Variants in FMN1 observed in about 807,000 individuals in gnomAD.
FMN1 encodes the protein formin-1.
Under a neutral mutation model 132.4 loss-of-function variants are expected in FMN1, and 110 were observed. That is an observed-to-expected ratio of 0.83 (90% CI 0.71 to 0.97). The LOEUF (loss-of-function observed/expected upper bound fraction) is 0.97. FMN1 is among the 50% of genes least tolerant of loss of function. FMN1 has a pLI of 0.00. For synonymous variants in FMN1, 722 were observed against 651.7 expected (o/e 1.11, Z -1.64); for missense variants, 1,792 against 1,705.3 (o/e 1.05, Z -0.90).
intron 3 of FMN1, among the ~76,000 whole-genome samples, chr15:33,163,592 CTGTTTTGTTTTGTTTTGTTT>C (rs71117113): frequency 3.5e-5 from 5 of 144,924 alleles, no homozygotes; most frequent in East Asian, 2.0e-4. Context: ...CCATGCCTGG[CTGTTTTGTTTTGTTTTGTTT>C]TGTTTTGTTT....
chr15:33,051,533 G>A (rs1354249098), intron 6 of FMN1, among the ~76,000 whole-genome samples: 1 of 152,090 alleles, frequency 6.6e-6, no homozygotes, highest in African/African-American at 2.4e-5. Context: ...GCCAGAGAAA[G>A]GCAGTCTCCC....
At chr15:32,883,509 CAAAAAAAA>C (rs60737133) in intron 16 of FMN1, among the ~76,000 whole-genome samples, 1,564 of 25,814 alleles carry the variant, frequency 0.061, 20 homozygotes, top group African/African-American at 0.19. Flanking sequence ...GAACCTATCT[CAAAAAAAA>C]AAAAAAAAAA....
chr15:32,814,230 T>C (rs1211771743), intron 17 of FMN1, among the ~76,000 whole-genome samples: 1 of 152,230 alleles, frequency 6.6e-6, no homozygotes, highest in African/African-American at 2.4e-5. Flanking sequence ...AAGTGACAGA[T>C]GTCTTTTGTA....
At chr15:32,987,495 T>C (rs2140826921) in intron 7 of FMN1, among the ~76,000 whole-genome samples, 1 of 152,298 alleles carries the variant, frequency 6.6e-6, no homozygotes, top group African/African-American at 2.4e-5. Context: ...CAGAAGGCTT[T>C]CTGACTGCCT....
At chr15:33,073,874 T>C (rs1309666040) in intron 5 of FMN1, among the ~76,000 whole-genome samples, 1 of 152,064 alleles carries the variant, frequency 6.6e-6, no homozygotes, top group Non-Finnish European at 1.5e-5. Context: ...GGGATTATAG[T>C]TGCGTGTCAC....
At position 32,991,476 on chromosome 15, in the gene FMN1, T is replaced by C. The variant is rs2033430245; in HGVS notation, c.2223+16538A>G. Reference sequence around the variant, plus strand: ...TGGTGAAGGTAGGAGCCCCAAATTCTGGACCATCGAAAATCACAATCTAGG... The same window carrying C: ...TGGTGAAGGTAGGAGCCCCAAATTCCGGACCATCGAAAATCACAATCTAGG... On this transcript the variant is annotated intron_variant, in intron 7 of 20. Transcript: ENST00000616417. Among the ~76,000 whole-genome samples, 3 of 152,192 alleles carry C rather than the reference T, an allele frequency of 2.0e-5. No individual in the cohort carries two copies. In the South Asian group the frequency reaches 6.2e-4, roughly 31 times the overall value.
intron 17 of FMN1, among the ~76,000 whole-genome samples, chr15:32,805,848 C>T (rs1196154452): frequency 6.6e-6 from 1 of 151,656 alleles, no homozygotes; most frequent in African/African-American, 2.4e-5. Context: ...TAGGGAAGCC[C>T]ATGGACTCTT....
intron 17 of FMN1, among the ~76,000 whole-genome samples, chr15:32,853,023 GC>G (rs2059044606): frequency 6.6e-6 from 1 of 152,132 alleles, no homozygotes; most frequent in Non-Finnish European, 1.5e-5. Flanking sequence ...GCCCTTTGTA[GC>G]CTGTCTGCTG....
chr15:33,091,141 A>G (rs948879922), intron 4 of FMN1, among the ~76,000 whole-genome samples: 4 of 152,202 alleles, frequency 2.6e-5, no homozygotes, highest in African/African-American at 9.6e-5. Context: ...ATGTATCACA[A>G]AACACAATGT....
chr15:33,071,350 A>G (rs1733337123), intron 5 of FMN1, among the ~76,000 whole-genome samples: 1 of 152,206 alleles, frequency 6.6e-6, no homozygotes, highest in African/African-American at 2.4e-5. Flanking sequence ...TCTGGGCTCA[A>G]ACACATCAAG....
At chr15:32,807,334 T>TC (rs765794835) in intron 17 of FMN1, among the ~76,000 whole-genome samples, 35 of 152,138 alleles carry the variant, frequency 2.3e-4, no homozygotes, top group Non-Finnish European at 4.6e-4. Context: ...CTGTCTGATG[T>TC]CCCCCCATAC....
At chr15:33,103,710 G>T (rs2039378069) in intron 4 of FMN1, among the ~76,000 whole-genome samples, 2 of 152,058 alleles carry the variant, frequency 1.3e-5, no homozygotes, top group African/African-American at 2.4e-5. Context: ...ATGTAGAAGA[G>T]TATTTAAGGT....
chr15:33,089,246 A>G (rs1423991108), intron 4 of FMN1, among the ~76,000 whole-genome samples: 2 of 152,228 alleles, frequency 1.3e-5, no homozygotes, highest in Non-Finnish European at 2.9e-5. Context: ...TGCATGGGTC[A>G]TTCTATCTCA....
chr15:33,116,508 T>C (rs2039931079), intron 4 of FMN1, among the ~76,000 whole-genome samples: 1 of 152,236 alleles, frequency 6.6e-6, no homozygotes, highest in Non-Finnish European at 1.5e-5. Flanking sequence ...AAGCCTATTC[T>C]TGTTCTGGGG....
chr15:33,130,918 T>C (rs1283435521), intron 4 of FMN1, among the ~76,000 whole-genome samples: 2 of 152,238 alleles, frequency 1.3e-5, no homozygotes, highest in Non-Finnish European at 2.9e-5. Flanking sequence ...CAAGGTTACT[T>C]CAATTCTAGG....
At chr15:32,806,517 C>T (rs1286382908) in intron 17 of FMN1, among the ~76,000 whole-genome samples, 2 of 152,186 alleles carry the variant, frequency 1.3e-5, no homozygotes, top group African/African-American at 2.4e-5. Flanking sequence ...GTAAAGGCTC[C>T]CCTGCTCAAA....
At chr15:32,975,179 C>G (rs56028121) in intron 7 of FMN1, among the ~76,000 whole-genome samples, 1 of 152,082 alleles carries the variant, frequency 6.6e-6, no homozygotes, top group East Asian at 1.9e-4. Flanking sequence ...TTCTGCTTGA[C>G]AAAAGTATTC....
At chr15:33,169,849 T>G (rs1965251639) in intron 3 of FMN1, among the ~76,000 whole-genome samples, 1 of 151,708 alleles carries the variant, frequency 6.6e-6, no homozygotes, top group Admixed American at 6.6e-5. Flanking sequence ...GCATATTATT[T>G]ATTCTTTTGT....
intron 6 of FMN1, among the ~76,000 whole-genome samples, chr15:33,045,804 T>C (rs940509554): frequency 2.0e-5 from 3 of 152,194 alleles, no homozygotes; most frequent in African/African-American, 7.2e-5. Flanking sequence ...TGTTTCATTT[T>C]TCGTGCACAT....
Sources: gnomAD v4.1 joint callset for allele counts (sites outside exome capture counted in the v4.1 genomes callset) on GRCh38, gnomAD v4.1.1 for gene constraint, MANE v1.5 for transcripts, NCBI Gene and HGNC (gene_info 2026-07-23, HGNC 2026-07-21) for gene names.